The following ERBB4 variants were observed in gnomAD, a reference collection of about 807,000 sequenced individuals.
ERBB4 encodes the protein receptor tyrosine-protein kinase erbB-4.
In ERBB4, 42 loss-of-function variants were observed where a neutral mutation model predicts 158.0. The ratio of observed to expected loss-of-function variants is 0.27; its 90% CI spans 0.21 to 0.34. The LOEUF is 0.34. ERBB4 is among the 10% of genes least tolerant of loss of function. The pLI is 1.00. For synonymous variants in ERBB4, 583 were observed against 558.7 expected, an observed-to-expected ratio of 1.04 and a Z score of -0.61; for missense variants, 1,333 against 1,624.1, an observed-to-expected ratio of 0.82 and a Z score of 3.08.
At chr2:212,012,513 T>C (rs1210480562) in intron 2 of ERBB4, among the ~76,000 whole-genome samples, 2 of 147,810 alleles carry the variant, frequency 1.4e-5, no homozygotes, top group Admixed American at 6.9e-5. Flanking sequence ...ACCTCCAAGC[T>C]CAAGCAATTC....
chr2:212,137,982 G>T (rs185746273), intron 1 of ERBB4, among the ~76,000 whole-genome samples: 10 of 152,260 alleles, frequency 6.6e-5, no homozygotes, highest in Non-Finnish European at 1.3e-4. Flanking sequence ...AATACATGGT[G>T]CTCTGGGTTA....
At chr2:212,391,358 T>C (rs765100243) in intron 1 of ERBB4, among the ~76,000 whole-genome samples, 2 of 151,486 alleles carry the variant, frequency 1.3e-5, no homozygotes, top group Non-Finnish European at 3.0e-5. Context: ...TGGTCACCTT[T>C]CTGTCAGCAG....
intron 1 of ERBB4, among the ~76,000 whole-genome samples, chr2:212,221,566 T>C (rs1002986596): frequency 5.9e-5 from 9 of 151,542 alleles, no homozygotes; most frequent in African/African-American, 2.2e-4. Flanking sequence ...ATAAATATAC[T>C]GTATCACTTA....
chr2:212,156,353 T>A lies in ERBB4; in HGVS notation c.83-31450A>T, dbSNP rs545912271. ...TCATCAGCAGGGGAGCTGAATTTGA[T>A]CAGTTCTGCCATGATTAGTGTCACT... On this transcript the variant is annotated intron_variant, in intron 1 of 27. Coordinates refer to ENST00000342788, the MANE Select transcript of ERBB4 (RefSeq NM_005235.3). 4.6e-5 allele frequency among the ~76,000 whole-genome samples: 7 copies of A among 152,060 alleles called. No individual in the cohort carries two copies. In the East Asian group the frequency reaches 9.6e-4, roughly 21 times the overall value.
intron 1 of ERBB4, among the ~76,000 whole-genome samples, chr2:212,476,153 T>TCACACACACATA (rs1553646930): frequency 9.0e-5 from 13 of 144,278 alleles, no homozygotes; most frequent in African/African-American, 2.7e-4. Flanking sequence ...TCTCTCTCTG[T>TCACACACACATA]CACACACACA....
intron 12 of ERBB4, among the ~76,000 whole-genome samples, chr2:211,698,456 G>A (rs140967825): frequency 0.015 from 2,215 of 151,536 alleles, 27 homozygotes; most frequent in African/African-American, 0.033. Flanking sequence ...ATTCATATAC[G>A]AAAATATATA....
At chr2:212,032,027 A>C (rs1027909692) in intron 2 of ERBB4, among the ~76,000 whole-genome samples, 7 of 152,110 alleles carry the variant, frequency 4.6e-5, no homozygotes, top group African/African-American at 1.7e-4. Flanking sequence ...GACTCTGCCA[A>C]GTATATTAAT....
intron 5 of ERBB4, among the ~76,000 whole-genome samples, chr2:211,748,048 GT>G (rs1012138537): frequency 7.3e-5 from 11 of 151,358 alleles, no homozygotes; most frequent in Admixed American, 6.6e-4. Context: ...ATAATATATA[GT>G]TTTTTATATG....
At chr2:212,363,409 T>C (rs935164530) in intron 1 of ERBB4, among the ~76,000 whole-genome samples, 7 of 151,494 alleles carry the variant, frequency 4.6e-5, no homozygotes, top group Non-Finnish European at 1.0e-4. Context: ...AATACCTAGA[T>C]AGATTTATTC....
intron 22 of ERBB4, among the ~76,000 whole-genome samples, chr2:211,424,822 A>G (rs1340935794): frequency 6.6e-6 from 1 of 152,180 alleles, no homozygotes; most frequent in Non-Finnish European, 1.5e-5. Context: ...ACAGTTGAAT[A>G]AAACATAGAC....
At chr2:211,997,433 CATTAA>C (rs1198732045) in intron 2 of ERBB4, among the ~76,000 whole-genome samples, 17 of 151,834 alleles carry the variant, frequency 1.1e-4, no homozygotes, top group Non-Finnish European at 2.2e-4. Flanking sequence ...GTTGTAAACA[CATTAA>C]ATTAAGGGAA....
chr2:211,872,119 C>T (rs1446948176), intron 3 of ERBB4, among the ~76,000 whole-genome samples: 1 of 152,144 alleles, frequency 6.6e-6, no homozygotes, highest in East Asian at 1.9e-4. Flanking sequence ...AAATATCATT[C>T]CGTGCTTGCT....
intron 3 of ERBB4, among the ~76,000 whole-genome samples, chr2:211,819,636 C>A (rs780620212): frequency 6.6e-6 from 1 of 151,872 alleles, no homozygotes; most frequent in Non-Finnish European, 1.5e-5. Context: ...GGGGCACTTT[C>A]ACAAAGGTCT....
intron 3 of ERBB4, among the ~76,000 whole-genome samples, chr2:211,885,123 C>T (rs1238464744): frequency 6.6e-6 from 1 of 151,962 alleles, no homozygotes; most frequent in East Asian, 1.9e-4. Flanking sequence ...AAAATTAAAA[C>T]TTTTTCAAAG....
intron 1 of ERBB4, among the ~76,000 whole-genome samples, chr2:212,197,803 T>C (rs2082473063): frequency 6.6e-6 from 1 of 152,198 alleles, no homozygotes; most frequent in South Asian, 2.1e-4. Context: ...TTAGGGAGCA[T>C]ACTCTGAAAT....
intron 20 of ERBB4, among the ~76,000 whole-genome samples, chr2:211,547,267 G>C (rs1559282678): frequency 6.6e-6 from 1 of 152,008 alleles, no homozygotes; most frequent in African/African-American, 2.4e-5. Flanking sequence ...TTTTTAAAGA[G>C]CTATCTGGAG....
intron 3 of ERBB4, among the ~76,000 whole-genome samples, chr2:211,926,663 A>C (rs1235998687): frequency 1.3e-5 from 2 of 152,138 alleles, no homozygotes; most frequent in African/African-American, 4.8e-5. Flanking sequence ...AAAATGAAGA[A>C]CTTAGAAAAA....
At chr2:211,969,543 G>A (rs2081395346) in intron 2 of ERBB4, among the ~76,000 whole-genome samples, 1 of 152,002 alleles carries the variant, frequency 6.6e-6, no homozygotes, top group Admixed American at 6.6e-5. Context: ...TTTAAGTGTG[G>A]TTGAAGATGA....
intron 2 of ERBB4, among the ~76,000 whole-genome samples, chr2:211,984,974 C>G (rs1206296594): frequency 6.6e-6 from 1 of 152,104 alleles, no homozygotes; most frequent in Non-Finnish European, 1.5e-5. Context: ...TCCGGTGATC[C>G]ACCCACCTCG....
Sources: allele counts gnomAD v4.1 joint callset (sites outside exome capture counted in the v4.1 genomes callset), GRCh38; gene constraint gnomAD v4.1.1; transcripts MANE v1.5; gene names NCBI Gene and HGNC (gene_info 2026-07-23, HGNC 2026-07-21).